Variants in NSUN2 observed in about 807,000 individuals in gnomAD.
The protein encoded by NSUN2 is RNA cytosine C(5)-methyltransferase NSUN2.
In NSUN2, 63 loss-of-function variants were observed where a neutral mutation model predicts 92.7. The observed-to-expected ratio is 0.68, with a 90% CI of 0.56 to 0.84. NSUN2 has a LOEUF of 0.84. NSUN2 is among the 40% of genes least tolerant of loss of function. The pLI is 0.00. For missense variants in NSUN2, 989 were observed against 964.9 expected, an observed-to-expected ratio of 1.02 and a Z score of -0.33; for synonymous variants, 356 against 348.3, an observed-to-expected ratio of 1.02 and a Z score of -0.25.
intron 15 of NSUN2, 178 bp downstream of exon 15, chr5:6,605,095 C>T (rs1290831499): frequency 7.4e-6 from 6 of 809,926 alleles, no homozygotes; most frequent in Non-Finnish European, 1.2e-5. Context: ...TGGCAGGAAC[C>T]ATTCAGCCCT....
At chr5:6,627,101 G>GC (rs1278346933) in intron 3 of NSUN2, among the ~76,000 whole-genome samples, 1 of 152,116 alleles carries the variant, frequency 6.6e-6, no homozygotes, top group East Asian at 1.9e-4. Context: ...GGTCCCCAGC[G>GC]CTTTGATTCT....
intron 6 of NSUN2, 128 bp downstream of exon 6, chr5:6,621,888 C>T (rs1242419356): frequency 9.7e-6 from 7 of 719,664 alleles, no homozygotes; most frequent in East Asian, 7.8e-5. Flanking sequence ...TTCCGGTAGA[C>T]GGAAAACCCA....
Position 6,604,207 on chromosome 5 carries a change from G to GT in NSUN2, c.1887dup (p.Leu630ThrfsTer10). On this transcript the variant is annotated frameshift_variant, in exon 17 of 19. Transcript: ENST00000264670. LOFTEE classifies it high-confidence loss of function. ...AAAAAGGGATTTTCCTGGGTCAACA[G>GT]TATCTTAACATCTTCCATTGATACA... The GT allele has an allele frequency of 6.2e-7, 1 of 1,612,188 alleles. No homozygotes were observed. The highest frequency in any genetic ancestry group is 8.5e-7 in the Non-Finnish European group (1 of 1,178,300).
At chr5:6,625,113 AAC>A (rs1737604636) in intron 4 of NSUN2, among the ~76,000 whole-genome samples, 3 of 152,052 alleles carry the variant, frequency 2.0e-5, no homozygotes, top group Admixed American at 6.6e-5. Context: ...AAAAAAAAAA[AAC>A]ACAGTAAAAA....
intron 9 of NSUN2, among the ~76,000 whole-genome samples, chr5:6,612,155 A>G (rs1293001059): frequency 6.6e-6 from 1 of 152,262 alleles, no homozygotes; most frequent in East Asian, 1.9e-4. Flanking sequence ...ACGACAGCTC[A>G]ATAAAGTTGT....
At chr5:6,617,196 T>C (rs1458283601) in intron 8 of NSUN2, among the ~76,000 whole-genome samples, 1 of 152,182 alleles carries the variant, frequency 6.6e-6, no homozygotes. Flanking sequence ...GGTTTTTCTA[T>C]GAAAAATTGG....
intron 1 of NSUN2, 24 bp downstream of exon 1, chr5:6,632,860 C>T (rs1485648702): frequency 1.3e-6 from 2 of 1,537,804 alleles, no homozygotes; most frequent in Non-Finnish European, 8.7e-7. Context: ...GCCCCTGGCC[C>T]GCCCGCCGGG....
chr5:6,632,857 G>A (rs1737992385), intron 1 of NSUN2, 27 bp downstream of exon 1: 1 of 1,538,316 alleles, frequency 6.5e-7, no homozygotes, highest in Non-Finnish European at 8.7e-7. Flanking sequence ...GGAGCCCCTG[G>A]CCCGCCCGCC....
intron 4 of NSUN2, among the ~76,000 whole-genome samples, chr5:6,624,657 G>A (rs777756570): frequency 6.6e-6 from 1 of 152,128 alleles, no homozygotes; most frequent in Non-Finnish European, 1.5e-5. Context: ...GGGGTTATGT[G>A]GCAGCACTTA....
chr5:6,607,042 CG>C (rs1736805775), intron 13 of NSUN2, 130 bp from the exon 14 acceptor site: 8 of 968,426 alleles, frequency 8.3e-6, no homozygotes, highest in African/African-American at 1.6e-5. Flanking sequence ...TGAAACCTTC[CG>C]GCTTCCACAG....
intron 4 of NSUN2, among the ~76,000 whole-genome samples, chr5:6,624,002 C>G (rs1227318235): frequency 6.6e-6 from 1 of 152,222 alleles, no homozygotes; most frequent in Non-Finnish European, 1.5e-5. Context: ...CCAACACAAC[C>G]CTACAAAAGC....
chr5:6,620,355 T>A (rs1258022407), intron 6 of NSUN2, 57 bp from the exon 7 acceptor site: 17 of 1,327,132 alleles, frequency 1.3e-5, no homozygotes, highest in Non-Finnish European at 1.7e-5. Context: ...AATCACATCC[T>A]GAAATATGCG....
intron 6 of NSUN2, 25 bp from the exon 7 acceptor site, chr5:6,620,323 A>C (rs1737385715): frequency 1.3e-6 from 2 of 1,514,326 alleles, no homozygotes; most frequent in Non-Finnish European, 1.8e-6. Context: ...TTGCAGTGTC[A>C]GGTGAAATGG....
At chr5:6,629,738 A>G (rs1031364197) in intron 3 of NSUN2, among the ~76,000 whole-genome samples, 1 of 152,156 alleles carries the variant, frequency 6.6e-6, no homozygotes, top group Non-Finnish European at 1.5e-5. Flanking sequence ...GGGCAGGACG[A>G]GGTGGAGATA....
chr5:6,614,094 GGAA>G (rs778072476), intron 9 of NSUN2, among the ~76,000 whole-genome samples: 17,831 of 52,402 alleles, frequency 0.34, 5,668 homozygotes, highest in East Asian at 0.52. Context: ...AGACTGTCTC[GGAA>G]AAAAAAAAAA....
chr5:6,603,789 G>C (rs550603553), intron 17 of NSUN2: 25 of 204,502 alleles, frequency 1.2e-4, no homozygotes, highest in Non-Finnish European at 2.1e-4. Flanking sequence ...GCTCTGGCTG[G>C]GAGGCTTGCC....
chr5:6,600,276 T>G (rs370167439), intron 18 of NSUN2, 44 bp from the exon 19 acceptor site: 10 of 1,548,888 alleles, frequency 6.5e-6, no homozygotes, highest in Non-Finnish European at 6.2e-6. Context: ...AACATTCCCA[T>G]AACTAAATCG....
chr5:6,632,611 G>C lies in NSUN2; in HGVS notation c.242C>G (p.Thr81Ser), dbSNP rs749369261. 1 of 1,613,940 alleles carries C rather than the reference G, an allele frequency of 6.2e-7. No individual in the cohort carries two copies. The highest frequency in any genetic ancestry group is 1.7e-5 in the Admixed American group (1 of 59,964). ...REPLPATLRI[T>S]GYKSHAKEIL... The stretch of plus-strand genomic sequence containing the variant: ...ACTGCCTCCCTACCTTTTGTAACCA[G>C]TAATTCTTAAAGTGGCCGGGAGCGG... The change falls in exon 2 of 19, where the codon ACT becomes AGT. Residue 81 changes from threonine to serine, a missense_variant. Transcript: ENST00000264670.
intron 11 of NSUN2, 110 bp from the exon 12 acceptor site, chr5:6,610,032 C>T: frequency 1.3e-6 from 1 of 751,024 alleles, no homozygotes; most frequent in Non-Finnish European, 2.1e-6. Flanking sequence ...GTCTTCGACC[C>T]TCACTCATAG....
Sources: allele counts gnomAD v4.1 joint callset (sites outside exome capture counted in the v4.1 genomes callset), GRCh38; gene constraint gnomAD v4.1.1; transcripts MANE v1.5; gene names NCBI Gene and HGNC (gene_info 2026-07-23, HGNC 2026-07-21).